Variants in ATP2C2 observed in about 807,000 individuals in gnomAD.
The protein encoded by ATP2C2 is ATPase secretory pathway Ca2+ transporting 2, also known as calcium-transporting ATPase type 2C member 2.
ATP2C2 carries 171 observed loss-of-function variants against 110.8 expected under a neutral mutation model. The observed-to-expected ratio is 1.54, with a 90% CI of 1.36 to 1.75. ATP2C2 has a LOEUF of 1.75. Ranked by LOEUF, ATP2C2 falls within the 40% of genes most tolerant of loss-of-function variation. The pLI is 0.00. For missense variants in ATP2C2, 1,963 were observed against 1,235.0 expected, an observed-to-expected ratio of 1.59 and a Z score of -8.84; for synonymous variants, 804 against 508.4, an observed-to-expected ratio of 1.58 and a Z score of -7.82.
chr16:84,438,823 T>C (rs1908976670), intron 11 of ATP2C2, among the ~76,000 whole-genome samples: 1 of 152,208 alleles, frequency 6.6e-6, no homozygotes. Flanking sequence ...TTTTGGGAAT[T>C]CCTTTTATGG....
At chr16:84,460,943 G>T in intron 24 of ATP2C2, 142 bp downstream of exon 24, 2 of 1,229,374 alleles carry the variant, frequency 1.6e-6, no homozygotes, top group Non-Finnish European at 2.2e-6. Context: ...TGCCATCAGA[G>T]GCGTGGGGTG....
chr16:84,439,673 T>C, intron 13 of ATP2C2, 149 bp downstream of exon 13: 2 of 763,784 alleles, frequency 2.6e-6, no homozygotes, highest in Non-Finnish European at 4.3e-6. Flanking sequence ...TGACTGATTT[T>C]GTTTTTAATC....
chr16:84,404,056 G>A (rs763990405), intron 2 of ATP2C2, among the ~76,000 whole-genome samples: 11 of 152,206 alleles, frequency 7.2e-5, no homozygotes, highest in Non-Finnish European at 1.2e-4. Flanking sequence ...GGGAAGGGGC[G>A]CAGGGCTTCC....
rs200053857 is a variant in ATP2C2 at position 84,437,431 on chromosome 16, G to T, written c.987-1735G>T. ...AAAAAATGTTGCCCAGGCTAGTCTT[G>T]AACTCTTGAGCTCAAATGATCTGCC... On this transcript the variant is annotated intron_variant, in intron 11 of 26. Coordinates refer to ENST00000262429, the MANE Select transcript of ATP2C2 (RefSeq NM_014861.4). Among the ~76,000 whole-genome samples, 339 of 151,918 alleles carry T rather than the reference G, an allele frequency of 2.2e-3. 6 individuals carry two copies. The East Asian group carries it at 0.04, about 18-fold the overall frequency.
intron 10 of ATP2C2, among the ~76,000 whole-genome samples, chr16:84,424,382 A>G (rs58441615): frequency 6.6e-6 from 1 of 152,036 alleles, no homozygotes; most frequent in Non-Finnish European, 1.5e-5. Flanking sequence ...GGGTTAACCA[A>G]TTCTCCTGCC....
intron 11 of ATP2C2, among the ~76,000 whole-genome samples, chr16:84,436,969 C>T (rs968280200): frequency 3.9e-5 from 6 of 152,044 alleles, no homozygotes; most frequent in African/African-American, 1.2e-4. Context: ...TCCATGTTGG[C>T]CAGGCTGGTG....
At chr16:84,431,608 G>A (rs1037123535) in intron 11 of ATP2C2, among the ~76,000 whole-genome samples, 5 of 151,974 alleles carry the variant, frequency 3.3e-5, no homozygotes, top group Non-Finnish European at 7.4e-5. Flanking sequence ...TCAGGCAGGG[G>A]GAACAGCACA....
chr16:84,408,432 C>G lies in ATP2C2; in HGVS notation c.355C>G (p.Leu119Val). The G allele has an allele frequency of 6.2e-7, 1 of 1,613,972 alleles. No homozygotes were observed. Among genetic ancestry groups the G allele is most frequent in the Non-Finnish European group, 8.5e-7 (1 of 1,180,020 alleles). The change falls in exon 4 of 27, where the codon CTG becomes GTG. Residue 119 changes from leucine (L) to valine (V), a missense_variant. Leu to Val is a conservative substitution (Grantham distance 32). Coordinates refer to ENST00000262429, the MANE Select transcript of ATP2C2 (RefSeq NM_014861.4). ...TAAGAACCCCCTGATCCTGCTGCTG[C>G]TGGGCTCTGCCCTGGTGAGTGTCCT... is the stretch of plus-strand genomic sequence containing the variant. ...QFKNPLILLL[L>V]GSALVSVLTK...
At chr16:84,373,274 C>A (rs575486013) in intron 1 of ATP2C2, among the ~76,000 whole-genome samples, 1 of 152,152 alleles carries the variant, frequency 6.6e-6, no homozygotes, top group Non-Finnish European at 1.5e-5. Flanking sequence ...CCGAGGCAGG[C>A]GGATCACCTG....
At chr16:84,411,893 A>T (rs11642145) in intron 6 of ATP2C2, among the ~76,000 whole-genome samples, 50,606 of 152,102 alleles carry the variant, frequency 0.33, 9,648 homozygotes, top group East Asian at 0.68. Flanking sequence ...TGACAGGCCC[A>T]GGAGGGAAAA....
At chr16:84,393,269 G>A (rs938179937) in intron 1 of ATP2C2, among the ~76,000 whole-genome samples, 6 of 152,146 alleles carry the variant, frequency 3.9e-5, no homozygotes, top group East Asian at 1.9e-4. Context: ...TTAGGCCCCC[G>A]GGCCCCTATG....
intron 1 of ATP2C2, among the ~76,000 whole-genome samples, chr16:84,384,096 T>G (rs1904292822): frequency 1.3e-5 from 2 of 152,188 alleles, no homozygotes; most frequent in South Asian, 4.1e-4. Flanking sequence ...GCCTATTTTC[T>G]TTAAGTGACA....
rs772729290 is a variant in ATP2C2, at chr16:84,441,497, G to A, written c.1311+539G>A. ...GAGCTGTACTCACCCTTTCACAGGG[G>A]CTCCCTCCTCCCCATGTAGCAGGCA... On this transcript the variant is annotated intron_variant, in intron 14 of 26. Transcript: ENST00000262429. Among the ~76,000 whole-genome samples the A allele has an allele frequency of 7.7e-4, 118 of 152,272 alleles. 1 individual carries two copies. Among genetic ancestry groups the A allele is most frequent in the African/African-American group, 2.6e-3 (110 of 41,558 alleles).
intron 1 of ATP2C2, among the ~76,000 whole-genome samples, chr16:84,395,010 C>T (rs1397728731): frequency 6.6e-6 from 1 of 152,102 alleles, no homozygotes; most frequent in African/African-American, 2.4e-5. Flanking sequence ...TGAGTTGATG[C>T]TCCACTGTCT....
chr16:84,459,075 T>G (rs1298527943), intron 21 of ATP2C2, 45 bp from the exon 22 acceptor site: 12 of 1,607,110 alleles, frequency 7.5e-6, no homozygotes, highest in Admixed American at 3.3e-5. Context: ...GGTCCAGCCC[T>G]CACGCAGGCC....
intron 11 of ATP2C2, among the ~76,000 whole-genome samples, chr16:84,432,187 T>C (rs979647515): frequency 6.6e-6 from 1 of 152,142 alleles, no homozygotes; most frequent in Non-Finnish European, 1.5e-5. Context: ...TAGTGGTGAT[T>C]TCTGAGATTT....
At chr16:84,459,068 C>G (rs765876707) in intron 21 of ATP2C2, 52 bp from the exon 22 acceptor site, 13 of 1,596,792 alleles carry the variant, frequency 8.1e-6, no homozygotes, top group African/African-American at 5.4e-5. Flanking sequence ...ATGCACTGGT[C>G]CAGCCCTCAC....
At chr16:84,453,990 A>C (rs1910560355) in intron 20 of ATP2C2, among the ~76,000 whole-genome samples, 1 of 152,094 alleles carries the variant, frequency 6.6e-6, no homozygotes, top group African/African-American at 2.4e-5. Context: ...TGCGGTGTGC[A>C]CCAGCACACC....
chr16:84,446,389 G>C lies in ATP2C2; in HGVS notation c.1462G>C (p.Glu488Gln). The part of the protein sequence containing the change: ...IRKKEIPFSS[E>Q]QKWMAVKCSL... ...AAAAAAAGAGATTCCATTCAGTTCAGAGCAGAAGTGGATGGCGGTGAAATG... is the reference window on the plus strand; with the variant it reads ...AAAAAAAGAGATTCCATTCAGTTCACAGCAGAAGTGGATGGCGGTGAAATG... Residue 488 changes from glutamate (E) to glutamine (Q), a missense_variant, in exon 16 of 27, where the codon GAG becomes CAG. Coordinates refer to ENST00000262429, the MANE Select transcript of ATP2C2 (RefSeq NM_014861.4). The C allele has an allele frequency of 1.2e-6, 2 of 1,607,434 alleles. No individual in the cohort carries two copies. Among genetic ancestry groups the C allele is most frequent in the Non-Finnish European group, 1.7e-6 (2 of 1,177,464 alleles).
Sources: gnomAD v4.1 joint callset for allele counts (sites outside exome capture counted in the v4.1 genomes callset) on GRCh38, gnomAD v4.1.1 for gene constraint, MANE v1.5 for transcripts, NCBI Gene and HGNC (gene_info 2026-07-23, HGNC 2026-07-21) for gene names.